SGMS1: variants seen among roughly 807,000 people sequenced by gnomAD.
SGMS1 encodes the protein sphingomyelin synthase 1.
A neutral mutation model predicts 46.2 loss-of-function variants in SGMS1; 13 were observed. The observed-to-expected ratio is 0.28, with a 90% CI of 0.18 to 0.45. The LOEUF (loss-of-function observed/expected upper bound fraction) is 0.45. SGMS1 is among the 20% of genes least tolerant of loss of function. The probability of loss-of-function intolerance (pLI) is 1.00; values close to 1 mark genes in which losing one functional copy is unlikely to be tolerated. For synonymous variants in SGMS1, 203 were observed against 187.8 expected (o/e 1.08, Z -0.66); for missense variants, 324 against 519.9 (o/e 0.62, Z 3.66).
intron 6 of SGMS1, among the ~76,000 whole-genome samples, chr10:50,396,224 C>T (rs1395846267): frequency 2.0e-5 from 3 of 152,146 alleles, no homozygotes; most frequent in African/African-American, 4.8e-5. Context: ...CAGTCCCACC[C>T]CTCTAGAGGT....
chr10:50,491,047 G>GAA (rs1187037383), intron 3 of SGMS1, among the ~76,000 whole-genome samples: 1 of 151,178 alleles, frequency 6.6e-6, no homozygotes, highest in Non-Finnish European at 1.5e-5. Flanking sequence ...GCTATTTAAA[G>GAA]AAAAAAAAAG....
intron 3 of SGMS1, among the ~76,000 whole-genome samples, chr10:50,498,538 C>A (rs558954876): frequency 6.6e-6 from 1 of 152,108 alleles, no homozygotes; most frequent in Non-Finnish European, 1.5e-5. Flanking sequence ...CACTAGGTAC[C>A]TCATATATGT....
intron 3 of SGMS1, among the ~76,000 whole-genome samples, chr10:50,495,499 A>G (rs933610014): frequency 9.2e-5 from 14 of 152,158 alleles, no homozygotes; most frequent in Non-Finnish European, 2.1e-4. Flanking sequence ...AGATGTTCAA[A>G]ATCTAGCTTT....
At chr10:50,359,399 A>G (rs778627095) in intron 6 of SGMS1, among the ~76,000 whole-genome samples, 2 of 152,156 alleles carry the variant, frequency 1.3e-5, no homozygotes, top group African/African-American at 4.8e-5. Flanking sequence ...CCATCGTAGT[A>G]GCCTCAGTGT....
intron 6 of SGMS1, among the ~76,000 whole-genome samples, chr10:50,407,921 C>T (rs189197742): frequency 3.0e-3 from 462 of 151,930 alleles, no homozygotes; most frequent in African/African-American, 0.01. Context: ...AATCATTTTC[C>T]CTAAATTTGT....
At chr10:50,408,460 A>T (rs1317734022) in intron 6 of SGMS1, among the ~76,000 whole-genome samples, 1 of 150,076 alleles carries the variant, frequency 6.7e-6, no homozygotes, top group Admixed American at 6.6e-5. Context: ...AAAAAACAAA[A>T]TAAAAACTTT....
At position 50,460,734 on chromosome 10, in the gene SGMS1, T is replaced by G. The variant is rs1409780644; in HGVS notation, c.-374A>C. The G allele has an allele frequency of 6.6e-6, 1 of 152,376 alleles. No homozygotes were observed. Among genetic ancestry groups the G allele is most frequent in the East Asian group, 1.9e-4 (1 of 5,330 alleles). 9.4% of individuals were successfully genotyped at this position (152,376 alleles called of 1,614,324 possible). The stretch of plus-strand genomic sequence containing the variant: ...CCTTTAAAAGTATTCTCAGGTACGC[T>G]TGCTGAGGCAGGTTCTCGTCTTCTA... On this transcript the variant is annotated 5_prime_UTR_variant, in exon 5 of 11. Transcript: ENST00000361781.
In SGMS1 at chr10:50,584,745, G is replaced by A. The variant is rs1376187913; in HGVS notation, c.-589+5408C>T. Reference sequence around the variant, plus strand: ...TGTCTGATGGCTCCCAAATCCATGTGTAAGTATGACCAGGGCTTCCTGCAT... The same window carrying A: ...TGTCTGATGGCTCCCAAATCCATGTATAAGTATGACCAGGGCTTCCTGCAT... On this transcript the variant is annotated intron_variant, in intron 2 of 10. Coordinates refer to ENST00000361781, the MANE Select transcript of SGMS1 (RefSeq NM_147156.4). Among the ~76,000 whole-genome samples, 5 of 152,178 alleles carry A rather than the reference G, an allele frequency of 3.3e-5. No individual in the cohort carries two copies. The East Asian group carries it at 7.7e-4, about 23-fold the overall frequency.
chr10:50,565,927 A>G (rs140403321), intron 2 of SGMS1, among the ~76,000 whole-genome samples: 1 of 152,350 alleles, frequency 6.6e-6, no homozygotes, highest in Non-Finnish European at 1.5e-5. Flanking sequence ...TATGGAGATA[A>G]CCACACTTAC....
chr10:50,375,410 G>A (rs1423843929), intron 6 of SGMS1, among the ~76,000 whole-genome samples: 1 of 152,176 alleles, frequency 6.6e-6, no homozygotes, highest in Non-Finnish European at 1.5e-5. Context: ...TAAGAGTCAG[G>A]CATTACCTTG....
chr10:50,554,351 T>C (rs1225057519), intron 2 of SGMS1, among the ~76,000 whole-genome samples: 1 of 152,204 alleles, frequency 6.6e-6, no homozygotes, highest in African/African-American at 2.4e-5. Flanking sequence ...CATTAAGGCC[T>C]ACTAATTTCA....
At chr10:50,548,542 C>T (rs1437756202) in intron 2 of SGMS1, among the ~76,000 whole-genome samples, 4 of 152,108 alleles carry the variant, frequency 2.6e-5, no homozygotes, top group African/African-American at 4.8e-5. Context: ...CTTCCTTACA[C>T]CATATACAAA....
chr10:50,580,091 G>C (rs1290200767), intron 2 of SGMS1, among the ~76,000 whole-genome samples: 2 of 152,164 alleles, frequency 1.3e-5, no homozygotes, highest in Non-Finnish European at 2.9e-5. Flanking sequence ...ATTTGTGTGT[G>C]TGCAGAAAAT....
chr10:50,511,392 C>G (rs1837754189), intron 3 of SGMS1, among the ~76,000 whole-genome samples: 1 of 152,132 alleles, frequency 6.6e-6, no homozygotes, highest in African/African-American at 2.4e-5. Context: ...CATCCTCAGA[C>G]TCAGTATTCA....
At chr10:50,407,613 G>A (rs2133558919) in intron 6 of SGMS1, among the ~76,000 whole-genome samples, 2 of 151,732 alleles carry the variant, frequency 1.3e-5, no homozygotes, top group South Asian at 4.2e-4. Flanking sequence ...TAACTTTACC[G>A]CATTCCCCCC....
At chr10:50,507,480 T>C (rs1837717472) in intron 3 of SGMS1, among the ~76,000 whole-genome samples, 1 of 152,052 alleles carries the variant, frequency 6.6e-6, no homozygotes, top group Non-Finnish European at 1.5e-5. Context: ...CATTCCTTTA[T>C]CAAACACTCT....
At chr10:50,319,059 C>A (rs1847396689) in intron 8 of SGMS1, among the ~76,000 whole-genome samples, 1 of 151,758 alleles carries the variant, frequency 6.6e-6, no homozygotes, top group African/African-American at 2.4e-5. Context: ...TTAAAGAAAT[C>A]CAGCATTTCA....
chr10:50,437,540 C>A (rs936365665), intron 5 of SGMS1, among the ~76,000 whole-genome samples: 10 of 152,098 alleles, frequency 6.6e-5, no homozygotes, highest in African/African-American at 2.2e-4. Context: ...AGAGAAGGAA[C>A]AATAACTAAA....
intron 5 of SGMS1, among the ~76,000 whole-genome samples, chr10:50,448,742 C>CAAAAAAAAAAAA (rs35580756): frequency 5.1e-5 from 3 of 58,722 alleles, no homozygotes; most frequent in East Asian, 3.5e-4. Flanking sequence ...GAAACTCCGC[C>CAAAAAAAAAAAA]AAAAAAAAAA....
Sources: allele counts gnomAD v4.1 joint callset (sites outside exome capture counted in the v4.1 genomes callset), GRCh38; gene constraint gnomAD v4.1.1; transcripts MANE v1.5; gene names NCBI Gene and HGNC (gene_info 2026-07-23, HGNC 2026-07-21).